Variants in DGKI observed in about 807,000 individuals in gnomAD.
DGKI encodes diacylglycerol kinase iota.
Under a neutral mutation model 147.5 loss-of-function variants are expected in DGKI, and 55 were observed. The observed-to-expected ratio is 0.37, with a 90% confidence interval of 0.30 to 0.47. The LOEUF is 0.47. Among genes scored for constraint, DGKI ranks in the 20% least tolerant of loss-of-function variants. The probability of loss-of-function intolerance (pLI) is 1.00; values close to 1 mark genes in which losing one functional copy is unlikely to be tolerated. For missense variants in DGKI, 1,007 were observed against 1,323.8 expected (o/e 0.76, Z 3.71); for synonymous variants, 469 against 477.1 (o/e 0.98, Z 0.22).
At chr7:137,762,482 C>T (rs1468243702) in intron 1 of DGKI, among the ~76,000 whole-genome samples, 1 of 152,190 alleles carries the variant, frequency 6.6e-6, no homozygotes, top group African/African-American at 2.4e-5. Flanking sequence ...AAATATGTAA[C>T]ACCTCTCTCT....
intron 1 of DGKI, 42 bp from the exon 2 acceptor site, chr7:137,690,044 C>A (rs747597097): frequency 4.5e-6 from 6 of 1,322,202 alleles, no homozygotes; most frequent in African/African-American, 2.8e-5. Context: ...AAAGAAAAAC[C>A]AACATCAGAA....
intron 21 of DGKI, among the ~76,000 whole-genome samples, chr7:137,517,894 T>C (rs573313631): frequency 2.0e-5 from 3 of 152,214 alleles, no homozygotes; most frequent in South Asian, 2.1e-4. Flanking sequence ...TAAAAGTAAA[T>C]TGAATGATTT....
chr7:137,465,820 G>A, intron 26 of DGKI, 88 bp downstream of exon 26: 1 of 1,478,668 alleles, frequency 6.8e-7, no homozygotes, highest in Non-Finnish European at 9.1e-7. Flanking sequence ...ATCATTTGAT[G>A]TCATTAGAAC....
At chr7:137,570,051 T>C (rs1042776788) in intron 19 of DGKI, among the ~76,000 whole-genome samples, 3 of 152,110 alleles carry the variant, frequency 2.0e-5, no homozygotes, top group African/African-American at 7.2e-5. Context: ...GTAGAGTTAT[T>C]TGGAATTCAT....
intron 1 of DGKI, among the ~76,000 whole-genome samples, chr7:137,743,172 C>T (rs530005945): frequency 7.2e-5 from 11 of 152,292 alleles, no homozygotes; most frequent in South Asian, 4.1e-4. Context: ...GACAGACACA[C>T]GATAACAGTA....
chr7:137,765,067 C>A (rs1249087252), intron 1 of DGKI, among the ~76,000 whole-genome samples: 1 of 152,224 alleles, frequency 6.6e-6, no homozygotes, highest in African/African-American at 2.4e-5. Context: ...CAGGCACCTG[C>A]TAATTGCCCT....
intron 21 of DGKI, among the ~76,000 whole-genome samples, chr7:137,512,587 A>G (rs1346842464): frequency 1.3e-5 from 2 of 152,228 alleles, no homozygotes; most frequent in African/African-American, 4.8e-5. Context: ...TATGTGTTAC[A>G]TAAAATAAAC....
intron 21 of DGKI, among the ~76,000 whole-genome samples, chr7:137,499,752 C>G (rs1185946649): frequency 2.0e-5 from 3 of 152,232 alleles, no homozygotes; most frequent in Non-Finnish European, 4.4e-5. Flanking sequence ...CACTGGCTTT[C>G]CTGGTCCTCC....
Position 137,528,335 on chromosome 7 carries a change from T to C in DGKI, c.2148-6369A>G, listed in dbSNP as rs559473673. On this transcript the variant is annotated intron_variant, in intron 20 of 32. Coordinates refer to ENST00000614521, the MANE Select transcript of DGKI (RefSeq NM_001321708.2). ...ATGGTAGATGTCCCCATCAAAAAAG[T>C]AAGTAAACCTTTTCTGAACTACCTG... is the stretch of plus-strand genomic sequence containing the variant. 3.3e-4 allele frequency among the ~76,000 whole-genome samples: 50 copies of C among 152,304 alleles called. 1 individual carries two copies. The South Asian group carries it at 4.6e-3, about 14-fold the overall frequency.
chr7:137,436,221 A>T (rs941146524), intron 28 of DGKI, among the ~76,000 whole-genome samples: 17 of 152,074 alleles, frequency 1.1e-4, no homozygotes, highest in African/African-American at 4.1e-4. Context: ...GGAGATTGGA[A>T]CCCTATTTTC....
At chr7:137,643,937 T>C (rs1463617531) in intron 6 of DGKI, among the ~76,000 whole-genome samples, 7 of 152,232 alleles carry the variant, frequency 4.6e-5, no homozygotes, top group Non-Finnish European at 1.0e-4. Flanking sequence ...ATCCAGATTC[T>C]TACTACTCTT....
intron 16 of DGKI, among the ~76,000 whole-genome samples, chr7:137,577,607 T>G (rs937345393): frequency 6.6e-6 from 1 of 152,228 alleles, no homozygotes; most frequent in Non-Finnish European, 1.5e-5. Context: ...GCTGATACAG[T>G]CTTTCCACTA....
At position 137,846,161 on chromosome 7, in the gene DGKI, T is replaced by TCTCTCTCTCTCTCACACACA. The variant is rs781580130; in HGVS notation, c.401+300_401+301insTGTGTGTGAGAGAGAGAGAG. On this transcript the variant is annotated intron_variant, in intron 1 of 32. Coordinates refer to ENST00000614521, the MANE Select transcript of DGKI (RefSeq NM_001321708.2). The surrounding 1 kb of genome is among the most constrained non-coding windows in gnomAD (Gnocchi z 4.0). ...CTCTCTCTCTCTCTCTCTCTCTCTC[T>TCTCTCTCTCTCTCACACACA]CACACACACACACACACACACACAC... 1.8e-4 allele frequency among the ~76,000 whole-genome samples: 19 copies of TCTCTCTCTCTCTCACACACA among 108,216 alleles called. No homozygotes were observed. The highest frequency in any genetic ancestry group is 1.4e-3 in the East Asian group (5 of 3,568). 71.0% of individuals were successfully genotyped at this position (108,216 alleles called of 152,430 possible). A position where few individuals can be genotyped will look rare whatever the true frequency, so the allele number is the denominator to read the frequency against.
chr7:137,412,255 T>C (rs750511846), intron 28 of DGKI, 48 bp from the exon 29 acceptor site: 2 of 1,546,436 alleles, frequency 1.3e-6, no homozygotes, highest in South Asian at 2.2e-5. Flanking sequence ...GACCCTCTTA[T>C]TAAAATATTA....
intron 16 of DGKI, 114 bp downstream of exon 16, chr7:137,578,156 A>G (rs570584317): frequency 2.6e-4 from 176 of 681,766 alleles, no homozygotes; most frequent in Middle Eastern, 1.6e-3. Flanking sequence ...ATAGATAGAC[A>G]TATATAAATG....
Position 137,824,572 on chromosome 7 carries a change from C to T in DGKI, c.401+21890G>A, listed in dbSNP as rs186164239. Among the ~76,000 whole-genome samples, 16 of 151,674 alleles carry T rather than the reference C, an allele frequency of 1.1e-4. No homozygotes were observed. In the East Asian group the frequency reaches 2.1e-3, roughly 20 times the overall value. ...GGAATTATTGGGTTTTATTTAAAGCCCTGTCATTCTTTTTCACTTTTAAGT... is the reference window on the plus strand; with the variant it reads ...GGAATTATTGGGTTTTATTTAAAGCTCTGTCATTCTTTTTCACTTTTAAGT... On this transcript the variant is annotated intron_variant, in intron 1 of 32. Coordinates refer to ENST00000614521, the MANE Select transcript of DGKI (RefSeq NM_001321708.2).
chr7:137,524,917 C>T (rs1485296800), intron 20 of DGKI, among the ~76,000 whole-genome samples: 3 of 152,112 alleles, frequency 2.0e-5, no homozygotes. Context: ...CTTCCTGGAG[C>T]TCCCCAATTT....
chr7:137,682,491 C>T (rs759586525), intron 2 of DGKI, among the ~76,000 whole-genome samples: 4 of 152,140 alleles, frequency 2.6e-5, no homozygotes, highest in African/African-American at 4.8e-5. Context: ...CCCAATGTTC[C>T]GCATAAAACA....
At chr7:137,528,806 G>T (rs10252668) in intron 20 of DGKI, among the ~76,000 whole-genome samples, 6,259 of 152,168 alleles carry the variant, frequency 0.041, 289 homozygotes, top group African/African-American at 0.11. Flanking sequence ...AATGGAAGTG[G>T]CTTAGTCTTT....
Sources: gnomAD v4.1 joint callset for allele counts (sites outside exome capture counted in the v4.1 genomes callset) on GRCh38, gnomAD v4.1.1 for gene constraint, Gnocchi (gnomAD v3.1) non-coding constraint, MANE v1.5 for transcripts, NCBI Gene and HGNC (gene_info 2026-07-23, HGNC 2026-07-21) for gene names.